Variants in DENND5A observed in about 807,000 individuals in gnomAD.
DENND5A encodes the protein DENN domain-containing protein 5A.
In DENND5A, 64 loss-of-function variants were observed where a neutral mutation model predicts 140.3. That is an observed-to-expected ratio of 0.46 (90% CI 0.37 to 0.56). The LOEUF is 0.56. Among genes scored for constraint, DENND5A ranks in the 20% least tolerant of loss-of-function variants. The probability of loss-of-function intolerance (pLI) is 0.00; values close to 1 mark genes in which losing one functional copy is unlikely to be tolerated. For synonymous variants in DENND5A, 605 were observed against 607.7 expected, an observed-to-expected ratio of 1.00 and a Z score of 0.07; for missense variants, 1,292 against 1,593.8, an observed-to-expected ratio of 0.81 and a Z score of 3.22.
At chr11:9,222,491 G>A (rs1201135311) in intron 1 of DENND5A, among the ~76,000 whole-genome samples, 1 of 152,040 alleles carries the variant, frequency 6.6e-6, no homozygotes, top group Non-Finnish European at 1.5e-5. Flanking sequence ...AAAATTTAAT[G>A]TTTCCAGGAA....
At chr11:9,196,026 C>A (rs1018131513) in intron 4 of DENND5A, among the ~76,000 whole-genome samples, 6 of 152,206 alleles carry the variant, frequency 3.9e-5, no homozygotes, top group Non-Finnish European at 8.8e-5. Context: ...AATCTCGGCT[C>A]ACTGCAACCT....
chr11:9,146,456 T>C (rs1309767401), intron 16 of DENND5A, among the ~76,000 whole-genome samples: 1 of 152,136 alleles, frequency 6.6e-6, no homozygotes, highest in East Asian at 1.9e-4. Context: ...CAAAGGGAAT[T>C]AGACCATATT....
At chr11:9,244,256 G>C (rs1028945845) in intron 1 of DENND5A, among the ~76,000 whole-genome samples, 2 of 152,210 alleles carry the variant, frequency 1.3e-5, no homozygotes, top group African/African-American at 2.4e-5. Context: ...CAAAATTCAG[G>C]TGTTGCCAAT....
intron 5 of DENND5A, among the ~76,000 whole-genome samples, chr11:9,185,794 T>C (rs953486078): frequency 1.3e-5 from 2 of 152,102 alleles, no homozygotes; most frequent in East Asian, 3.8e-4. Context: ...GTGTATGTTA[T>C]CTCTGTGTCT....
At chr11:9,158,362 T>C (rs1326073901) in intron 12 of DENND5A, among the ~76,000 whole-genome samples, 4 of 149,742 alleles carry the variant, frequency 2.7e-5, no homozygotes, top group Non-Finnish European at 4.4e-5. Flanking sequence ...CAGGACAACA[T>C]AGGGAGACCT....
intron 1 of DENND5A, among the ~76,000 whole-genome samples, chr11:9,239,655 T>C (rs1851152544): frequency 6.6e-6 from 1 of 150,618 alleles, no homozygotes; most frequent in African/African-American, 2.5e-5. Context: ...AGAGACGAGG[T>C]CTTGCTATGT....
At chr11:9,211,761 G>A (rs1203995755) in intron 1 of DENND5A, among the ~76,000 whole-genome samples, 2 of 151,870 alleles carry the variant, frequency 1.3e-5, no homozygotes, top group Non-Finnish European at 2.9e-5. Context: ...GTGAAACCCC[G>A]TCTCTACTAA....
chr11:9,239,074 T>C (rs1204513161), intron 1 of DENND5A, among the ~76,000 whole-genome samples: 1 of 151,038 alleles, frequency 6.6e-6, no homozygotes, highest in African/African-American at 2.4e-5. Flanking sequence ...TCAGGTGATC[T>C]GCCCACCTCA....
intron 5 of DENND5A, among the ~76,000 whole-genome samples, chr11:9,186,082 T>C (rs1848904238): frequency 6.6e-6 from 1 of 152,234 alleles, no homozygotes; most frequent in Non-Finnish European, 1.5e-5. Context: ...GTGTGTATCA[T>C]TCAATAAACA....
At chr11:9,225,272 T>C (rs1850483325) in intron 1 of DENND5A, among the ~76,000 whole-genome samples, 1 of 152,232 alleles carries the variant, frequency 6.6e-6, no homozygotes, top group Non-Finnish European at 1.5e-5. Context: ...CCTCTACTTC[T>C]GCATCATTTA....
At chr11:9,191,334 C>T (rs1361506698) in intron 5 of DENND5A, among the ~76,000 whole-genome samples, 3 of 152,018 alleles carry the variant, frequency 2.0e-5, no homozygotes, top group African/African-American at 7.2e-5. Flanking sequence ...TGGCTCCGGG[C>T]TTCAACAATT....
rs1848609187 is a variant in DENND5A, at chr11:9,178,208, C to T, written c.1830G>A (p.Lys610=). ...GTGTCCGAACATTCAACAGCCTGAT[C>T]TTGTCAACTCGGGAATCAAATACCC... The part of the protein sequence containing the change: ...VLRVFDSRVD[K]IRLLNVRTPT... Residue 610 remains lysine, a synonymous_variant, in exon 8 of 23, where the codon AAG becomes AAA. Transcript: ENST00000328194. 1 of 1,614,144 alleles carries T rather than the reference C, an allele frequency of 6.2e-7. No individual in the cohort carries two copies.
chr11:9,149,585 T>C (rs1258865764), intron 15 of DENND5A, among the ~76,000 whole-genome samples: 1 of 152,174 alleles, frequency 6.6e-6, no homozygotes, highest in Admixed American at 6.5e-5. Context: ...TGAAGAAGTT[T>C]ACCAGGTAGA....
intron 5 of DENND5A, among the ~76,000 whole-genome samples, chr11:9,183,439 CTTTTT>C (rs149988674): frequency 6.9e-6 from 1 of 144,372 alleles, no homozygotes; most frequent in African/African-American, 2.5e-5. Flanking sequence ...AGGTTTTTAA[CTTTTT>C]TTTTTTTTTT....
chr11:9,163,776 C>G (rs1031355904), intron 11 of DENND5A, among the ~76,000 whole-genome samples: 10 of 149,594 alleles, frequency 6.7e-5, no homozygotes, highest in Non-Finnish European at 1.5e-4. Context: ...TGTACTCCAG[C>G]CTGGGTGACA....
chr11:9,231,279 T>C (rs1850757929), intron 1 of DENND5A, among the ~76,000 whole-genome samples: 2 of 152,230 alleles, frequency 1.3e-5, no homozygotes, highest in Admixed American at 6.5e-5. Flanking sequence ...TTTCACAGAA[T>C]GTATACCACG....
chr11:9,160,694 G>A lies in DENND5A; in HGVS notation c.2436+19C>T. ...AGGAAGACAATTTGCTCAGCAATGA[G>A]AGGCAAGACATACATTACCTGTTTC... On this transcript the variant is annotated intron_variant, in intron 12 of 22. Transcript: ENST00000328194. 6.3e-7 allele frequency: 1 copy of A among 1,597,090 alleles called. No homozygotes were observed. The highest frequency in any genetic ancestry group is 8.6e-7 in the Non-Finnish European group (1 of 1,167,004).
chr11:9,154,155 T>C (rs533351688), intron 12 of DENND5A, among the ~76,000 whole-genome samples: 2 of 152,338 alleles, frequency 1.3e-5, no homozygotes, highest in African/African-American at 4.8e-5. Context: ...CTAAGCACTA[T>C]GTCAGATGTT....
chr11:9,242,756 A>C (rs1488419348), intron 1 of DENND5A: 1 of 152,090 alleles, frequency 6.6e-6, no homozygotes, highest in Non-Finnish European at 1.5e-5. Flanking sequence ...TATGACCCAC[A>C]GTGTACTAGT....
Sources: allele counts gnomAD v4.1 joint callset (sites outside exome capture counted in the v4.1 genomes callset), GRCh38; gene constraint gnomAD v4.1.1; transcripts MANE v1.5; gene names NCBI Gene and HGNC (gene_info 2026-07-23, HGNC 2026-07-21).